RABGAP1L: variants seen among roughly 807,000 people sequenced by gnomAD.
The protein encoded by RABGAP1L is rab GTPase-activating protein 1-like.
In RABGAP1L, 63 loss-of-function variants were observed where a neutral mutation model predicts 137.7. That is an observed-to-expected ratio of 0.46 (90% CI 0.37 to 0.56). The LOEUF is 0.56. Among genes scored for constraint, RABGAP1L ranks in the 20% least tolerant of loss-of-function variants. RABGAP1L has a pLI of 0.00. For missense variants in RABGAP1L, 1,095 were observed against 1,244.0 expected (o/e 0.88, Z 1.80); for synonymous variants, 431 against 433.7 (o/e 0.99, Z 0.08).
At chr1:174,742,184 A>G (rs1230168269) in intron 17 of RABGAP1L, among the ~76,000 whole-genome samples, 30 of 78,618 alleles carry the variant, frequency 3.8e-4, no homozygotes, top group African/African-American at 1.7e-3. Context: ...AAGAAGAAGA[A>G]GAGGAGGAGG....
chr1:174,195,652 CCTTT>C (rs1385172310), intron 1 of RABGAP1L, among the ~76,000 whole-genome samples: 1 of 114,826 alleles, frequency 8.7e-6, no homozygotes, highest in Admixed American at 9.1e-5. Context: ...TTCCTTCCTT[CCTTT>C]CCTTTCCTTT....
chr1:174,640,714 G>A (rs1674460599), intron 14 of RABGAP1L, among the ~76,000 whole-genome samples: 2 of 151,810 alleles, frequency 1.3e-5, no homozygotes, highest in Admixed American at 1.3e-4. Context: ...GGACAGTTTT[G>A]CTTTTCCTTT....
At chr1:174,948,509 CAAAAAAAAAAAA>C (rs3086627) in intron 19 of RABGAP1L, among the ~76,000 whole-genome samples, 2 of 64,918 alleles carry the variant, frequency 3.1e-5, no homozygotes, top group Non-Finnish European at 5.7e-5. Flanking sequence ...GACCCTGCCT[CAAAAAAAAAAAA>C]AAAAAAAAAA....
At chr1:174,316,916 TA>T (rs1366301438) in intron 11 of RABGAP1L, among the ~76,000 whole-genome samples, 3 of 151,980 alleles carry the variant, frequency 2.0e-5, no homozygotes, top group Non-Finnish European at 2.9e-5. Flanking sequence ...CCTCACCCCA[TA>T]ACTACCACCC....
chr1:174,258,419 A>G (rs1268604434), intron 7 of RABGAP1L, among the ~76,000 whole-genome samples: 2 of 152,096 alleles, frequency 1.3e-5, no homozygotes, highest in Admixed American at 6.5e-5. Flanking sequence ...TGAGGAGCTG[A>G]GACTACAGGC....
chr1:174,726,701 A>G (rs1248547995), intron 17 of RABGAP1L, among the ~76,000 whole-genome samples: 2 of 152,122 alleles, frequency 1.3e-5, no homozygotes, highest in Admixed American at 6.6e-5. Flanking sequence ...TCTCTTATGT[A>G]TGGTGCCATC....
chr1:174,169,455 C>T (rs1319130637), intron 1 of RABGAP1L, among the ~76,000 whole-genome samples: 3 of 151,946 alleles, frequency 2.0e-5, no homozygotes, highest in African/African-American at 4.8e-5. Flanking sequence ...CTCCTGAACT[C>T]GTGATCTGCC....
At chr1:174,320,054 G>C (rs572105984) in intron 11 of RABGAP1L, among the ~76,000 whole-genome samples, 14 of 152,134 alleles carry the variant, frequency 9.2e-5, no homozygotes, top group Admixed American at 7.9e-4. Flanking sequence ...ATTTTGATGT[G>C]GGTTTTGATA....
At chr1:174,215,090 C>T (rs778805775) in intron 1 of RABGAP1L, among the ~76,000 whole-genome samples, 2 of 152,196 alleles carry the variant, frequency 1.3e-5, no homozygotes, top group Non-Finnish European at 2.9e-5. Context: ...AACTACCTAT[C>T]TGACAAGGGA....
At chr1:174,775,948 C>A (rs1419023284) in intron 18 of RABGAP1L, among the ~76,000 whole-genome samples, 1 of 152,138 alleles carries the variant, frequency 6.6e-6, no homozygotes, top group African/African-American at 2.4e-5. Context: ...ACAGTCAGTC[C>A]GTAGGAATTT....
intron 18 of RABGAP1L, among the ~76,000 whole-genome samples, chr1:174,783,839 G>T (rs1687231160): frequency 6.7e-6 from 1 of 150,372 alleles, no homozygotes; most frequent in Non-Finnish European, 1.5e-5. Context: ...CTCCCTAGTG[G>T]CTGGGACTAC....
At chr1:174,667,926 C>T (rs1676905785) in intron 14 of RABGAP1L, among the ~76,000 whole-genome samples, 1 of 152,126 alleles carries the variant, frequency 6.6e-6, no homozygotes, top group South Asian at 2.1e-4. Context: ...GATAGGTGCT[C>T]AGTAAATACT....
chr1:174,420,868 G>A (rs1211234783), intron 13 of RABGAP1L, among the ~76,000 whole-genome samples: 1 of 151,876 alleles, frequency 6.6e-6, no homozygotes, highest in Non-Finnish European at 1.5e-5. Context: ...GTAGAGATGG[G>A]GTTTCACCGT....
chr1:174,791,578 A>G (rs559526603), intron 18 of RABGAP1L, among the ~76,000 whole-genome samples: 37 of 152,242 alleles, frequency 2.4e-4, no homozygotes, highest in Non-Finnish European at 4.1e-4. Context: ...AATCTGATCA[A>G]TTCAAAATTT....
intron 19 of RABGAP1L, among the ~76,000 whole-genome samples, chr1:174,870,740 C>CT (rs796488016): frequency 0.12 from 17,252 of 141,580 alleles, 1,204 homozygotes; most frequent in East Asian, 0.22. Flanking sequence ...ATTATAACTT[C>CT]TTTTTTTTTT....
chr1:174,765,134 C>T (rs951491796), intron 18 of RABGAP1L, among the ~76,000 whole-genome samples: 2 of 152,154 alleles, frequency 1.3e-5, no homozygotes, highest in Non-Finnish European at 2.9e-5. Flanking sequence ...AGGAGACAAT[C>T]GAAACAATGA....
rs892798493 is a variant in RABGAP1L, at chr1:174,448,375, T to C, written c.1710+54230T>C. The C allele has an allele frequency of 6.2e-7, 1 of 1,613,866 alleles. No individual in the cohort carries two copies. The highest frequency in any genetic ancestry group is 8.5e-7 in the Non-Finnish European group (1 of 1,179,854). The stretch of plus-strand genomic sequence containing the variant: ...TTCAGACGATGGCATATGCTGATCT[T>C]TTCGTTGGAGTTAGCTGCTTGGTTC... On this transcript the variant is annotated intron_variant, in intron 13 of 25. Transcript: ENST00000681986. The surrounding 1 kb of genome is among the most constrained non-coding windows in gnomAD (Gnocchi z 4.2).
intron 1 of RABGAP1L, among the ~76,000 whole-genome samples, chr1:174,172,160 G>A (rs1252771690): frequency 7.4e-6 from 1 of 135,526 alleles, no homozygotes; most frequent in African/African-American, 2.8e-5. Context: ...TTTTTTTAAG[G>A]CTGAATAATA....
chr1:174,972,981 A>C (rs1007973138), intron 21 of RABGAP1L, among the ~76,000 whole-genome samples: 1 of 152,182 alleles, frequency 6.6e-6, no homozygotes, highest in Non-Finnish European at 1.5e-5. Flanking sequence ...ATTCATTAAC[A>C]TTAAAATTAA....
Sources: gnomAD v4.1 joint callset for allele counts (sites outside exome capture counted in the v4.1 genomes callset) on GRCh38, gnomAD v4.1.1 for gene constraint, Gnocchi (gnomAD v3.1) non-coding constraint, MANE v1.5 for transcripts, NCBI Gene and HGNC (gene_info 2026-07-23, HGNC 2026-07-21) for gene names.